Variants in NEBL observed in about 807,000 individuals in gnomAD.
NEBL encodes nebulette, also known as LIM and SH3 protein 2.
NEBL carries 122 observed loss-of-function variants against 140.2 expected under a neutral mutation model. That is an observed-to-expected ratio of 0.87 (90% CI 0.75 to 1.01). NEBL has a LOEUF of 1.01. Ranked by LOEUF, NEBL falls within the 50% of genes least tolerant of loss-of-function variation. The pLI is 0.00. For missense variants in NEBL, 1,365 were observed against 1,231.3 expected (o/e 1.11, Z -1.62); for synonymous variants, 436 against 398.9 (o/e 1.09, Z -1.11).
chr10:21,040,158 G>C (rs561753), intron 2 of NEBL, among the ~76,000 whole-genome samples: 87,386 of 151,972 alleles, frequency 0.58, 25,266 homozygotes, highest in Non-Finnish European at 0.61. Flanking sequence ...ACGAGGTCAG[G>C]AGATTGAGAC....
At chr10:21,199,147 T>C (rs1407233053) in intron 3 of NEBL, among the ~76,000 whole-genome samples, 2 of 151,198 alleles carry the variant, frequency 1.3e-5, no homozygotes, top group African/African-American at 4.9e-5. Context: ...ACCTCAGACT[T>C]CTGAGTTGCT....
chr10:21,172,129 T>C, intron 2 of NEBL: 2 of 509,742 alleles, frequency 3.9e-6, no homozygotes, highest in East Asian at 3.6e-5. Flanking sequence ...TAAGTGTCCC[T>C]AAGGCTGTAA....
intron 3 of NEBL, among the ~76,000 whole-genome samples, chr10:20,970,076 C>A (rs1045492251): frequency 2.6e-5 from 4 of 152,084 alleles, no homozygotes; most frequent in Non-Finnish European, 5.9e-5. Flanking sequence ...ATTGAGAGCA[C>A]TTTTGTGAGA....
At position 20,808,549 on chromosome 10, in the gene NEBL, A is replaced by AT; in HGVS notation, c.2721_2722insA (p.Ser908IlefsTer5). The stretch of plus-strand genomic sequence containing the variant: ...GGTCTTGTTACCTCACTGCAGCATG[A>AT]AAAGCTAGGGTAAATCTCGGAGATT... On this transcript the variant is annotated frameshift_variant, in exon 26 of 28. Transcript: ENST00000377122. LOFTEE classifies it high-confidence loss of function. The AT allele has an allele frequency of 1.2e-6, 2 of 1,614,022 alleles. No homozygotes were observed. Among genetic ancestry groups the AT allele is most frequent in the Non-Finnish European group, 1.7e-6 (2 of 1,179,916 alleles).
At chr10:20,880,583 T>G (rs1845924487) in intron 5 of NEBL, among the ~76,000 whole-genome samples, 3 of 152,206 alleles carry the variant, frequency 2.0e-5, no homozygotes, top group African/African-American at 7.2e-5. Flanking sequence ...AAAATTCCAA[T>G]GCCTGAAAGT....
chr10:21,161,555 A>C (rs576232450), intron 2 of NEBL, among the ~76,000 whole-genome samples: 9 of 152,096 alleles, frequency 5.9e-5, no homozygotes, highest in Non-Finnish European at 1.2e-4. Flanking sequence ...AATAGGACAG[A>C]CTCGTGTATC....
At chr10:20,888,931 C>T (rs556378055) in intron 3 of NEBL, among the ~76,000 whole-genome samples, 1 of 152,314 alleles carries the variant, frequency 6.6e-6, no homozygotes, top group South Asian at 2.1e-4. Context: ...TGATGTTCTT[C>T]CTGCTCAGAG....
intron 2 of NEBL, among the ~76,000 whole-genome samples, chr10:21,023,586 T>C (rs1318080191): frequency 6.6e-6 from 1 of 151,888 alleles, no homozygotes; most frequent in Non-Finnish European, 1.5e-5. Context: ...TCCCAGCTAC[T>C]TGGGAGGCTG....
intron 2 of NEBL, among the ~76,000 whole-genome samples, chr10:21,100,576 G>A (rs1837435662): frequency 6.6e-6 from 1 of 152,190 alleles, no homozygotes; most frequent in African/African-American, 2.4e-5. Flanking sequence ...TGTAGATTCT[G>A]TTAATACAGG....
chr10:21,015,389 A>T (rs1210770945), intron 3 of NEBL, among the ~76,000 whole-genome samples: 2 of 152,272 alleles, frequency 1.3e-5, no homozygotes, highest in Non-Finnish European at 2.9e-5. Flanking sequence ...GCCCTGGTTC[A>T]GAGTACCCAA....
intron 4 of NEBL, among the ~76,000 whole-genome samples, chr10:20,935,549 G>T (rs541324261): frequency 2.6e-5 from 4 of 152,232 alleles, no homozygotes; most frequent in African/African-American, 9.6e-5. Flanking sequence ...CTCCTCCTTT[G>T]CAAGGATACT....
At chr10:20,921,498 G>A (rs1161823115) in intron 4 of NEBL, among the ~76,000 whole-genome samples, 1 of 152,078 alleles carries the variant, frequency 6.6e-6, no homozygotes, top group African/African-American at 2.4e-5. Context: ...TTCTTTCTCT[G>A]CCAATAGCCT....
chr10:21,280,621 T>TTC, intron 1 of NEBL, among the ~76,000 whole-genome samples: 1 of 140,742 alleles, frequency 7.1e-6, no homozygotes, highest in East Asian at 2.0e-4. Context: ...TCTTTTTCCT[T>TTC]TTTTTTTTTT....
At chr10:20,973,860 G>A (rs1836683407) in intron 3 of NEBL, among the ~76,000 whole-genome samples, 1 of 152,200 alleles carries the variant, frequency 6.6e-6, no homozygotes, top group Non-Finnish European at 1.5e-5. Context: ...CATCACAGAT[G>A]TGGAGGAACA....
At chr10:21,055,921 G>T (rs1169906845) in intron 2 of NEBL, among the ~76,000 whole-genome samples, 1 of 152,172 alleles carries the variant, frequency 6.6e-6, no homozygotes, top group Non-Finnish European at 1.5e-5. Flanking sequence ...GAGTATCTTG[G>T]CTCTGGGCTG....
intron 3 of NEBL, among the ~76,000 whole-genome samples, chr10:20,997,906 T>A (rs1375167902): frequency 6.6e-6 from 1 of 152,090 alleles, no homozygotes; most frequent in Non-Finnish European, 1.5e-5. Context: ...ATAAACTGGC[T>A]AAAATCATTG....
chr10:20,946,935 C>T (rs545571092), intron 4 of NEBL, among the ~76,000 whole-genome samples: 5 of 152,130 alleles, frequency 3.3e-5, no homozygotes, highest in African/African-American at 1.2e-4. Context: ...CATACAAGTG[C>T]CAGGAGGCTC....
intron 1 of NEBL, among the ~76,000 whole-genome samples, chr10:21,262,149 G>C (rs767097486): frequency 1.9e-4 from 29 of 152,258 alleles, no homozygotes; most frequent in Non-Finnish European, 4.0e-4. Context: ...AAATTGCGAG[G>C]GCCTCGATAG....
intron 26 of NEBL, among the ~76,000 whole-genome samples, chr10:20,806,333 C>A (rs894276735): frequency 6.6e-6 from 1 of 152,196 alleles, no homozygotes; most frequent in African/African-American, 2.4e-5. Context: ...GATTTCCAAA[C>A]TGACCTCGGG....
Sources: allele counts gnomAD v4.1 joint callset (sites outside exome capture counted in the v4.1 genomes callset), GRCh38; gene constraint gnomAD v4.1.1; transcripts MANE v1.5; gene names NCBI Gene and HGNC (gene_info 2026-07-23, HGNC 2026-07-21).